Variants in ADCY9 observed in about 807,000 individuals in gnomAD.
ADCY9 encodes the protein adenylate cyclase 9.
Under a neutral mutation model 101.5 loss-of-function variants are expected in ADCY9, and 50 were observed. That is an observed-to-expected ratio of 0.49 (90% CI 0.39 to 0.62). The LOEUF (loss-of-function observed/expected upper bound fraction) is 0.62. Among genes scored for constraint, ADCY9 ranks in the 20% least tolerant of loss-of-function variants. The probability of loss-of-function intolerance (pLI) is 0.00; values close to 1 mark genes in which losing one functional copy is unlikely to be tolerated. For synonymous variants in ADCY9, 905 were observed against 769.3 expected (o/e 1.18, Z -2.92); for missense variants, 1,662 against 1,800.4 (o/e 0.92, Z 1.39).
At chr16:4,109,417 G>GCCAGAAC (rs1437806369) in intron 2 of ADCY9, among the ~76,000 whole-genome samples, 1 of 152,104 alleles carries the variant, frequency 6.6e-6, no homozygotes, top group Non-Finnish European at 1.5e-5. Context: ...CGGCTGTATT[G>GCCAGAAC]CCAGAACCCA....
At chr16:4,004,754 G>A (rs2056355877) in intron 3 of ADCY9, among the ~76,000 whole-genome samples, 1 of 152,226 alleles carries the variant, frequency 6.6e-6, no homozygotes, top group East Asian at 1.9e-4. Flanking sequence ...GGGACAGACT[G>A]AAGGGACTGA....
chr16:3,969,613 T>TATATACACGTA (rs1491520639), intron 10 of ADCY9, among the ~76,000 whole-genome samples: 1 of 81,038 alleles, frequency 1.2e-5, no homozygotes, highest in Non-Finnish European at 2.2e-5. Context: ...TATATATGTA[T>TATATACACGTA]TTTTTTTTTT....
At chr16:4,028,638 T>C (rs2056533671) in intron 2 of ADCY9, among the ~76,000 whole-genome samples, 4 of 152,306 alleles carry the variant, frequency 2.6e-5, no homozygotes, top group Non-Finnish European at 2.9e-5. Context: ...CATGGGATGA[T>C]GGAAATGTTC....
At position 4,076,108 on chromosome 16, in the gene ADCY9, C is replaced by T. The variant is rs1483829909; in HGVS notation, c.1693+37642G>A. ...ACTTGGGAGGCTGAGGTGGGAGGATCACTTGAGCCCACGAGTTCGAGGCTG... is the reference window on the plus strand; with the variant it reads ...ACTTGGGAGGCTGAGGTGGGAGGATTACTTGAGCCCACGAGTTCGAGGCTG... On this transcript the variant is annotated intron_variant, in intron 2 of 10. Transcript: ENST00000294016. Among the ~76,000 whole-genome samples the T allele has an allele frequency of 5.9e-5, 9 of 152,274 alleles. No homozygotes were observed. In the East Asian group the frequency reaches 1.7e-3, roughly 29 times the overall value.
chr16:4,000,789 T>C (rs2056324208), intron 3 of ADCY9, among the ~76,000 whole-genome samples: 1 of 151,932 alleles, frequency 6.6e-6, no homozygotes, highest in African/African-American at 2.4e-5. Context: ...CAAGAATAGA[T>C]GAAAATATAC....
Position 4,114,069 on chromosome 16 carries a change from A to T in ADCY9, c.1374T>A (p.His458Gln). ...VAGCPEPRADHAYCCIEMGLG... is the reference protein window; with the variant it reads ...VAGCPEPRADQAYCCIEMGLG... ...GGCCCATCTCGATGCAGCAGTAGGC[A>T]TGGTCGGCCCGGGGCTCGGGACAGC... Residue 458 changes from histidine (H) to glutamine (Q), a missense_variant, in exon 2 of 11, where the codon CAT (histidine) becomes CAA (glutamine). Transcript: ENST00000294016. This position sits in a 1 kb window ranked among gnomAD's most constrained non-coding sequence, Gnocchi z 4.3. 1 of 1,613,832 alleles carries T rather than the reference A, an allele frequency of 6.2e-7. No individual in the cohort carries two copies. The highest frequency in any genetic ancestry group is 8.5e-7 in the Non-Finnish European group (1 of 1,180,028).
intron 3 of ADCY9, among the ~76,000 whole-genome samples, chr16:4,004,369 C>T (rs990337243): frequency 2.6e-5 from 4 of 151,540 alleles, no homozygotes; most frequent in Admixed American, 6.6e-5. Context: ...CCTGGTAGGT[C>T]GTTACAGTAC....
intron 2 of ADCY9, among the ~76,000 whole-genome samples, chr16:4,107,299 C>G (rs2057083217): frequency 6.6e-6 from 1 of 152,148 alleles, no homozygotes; most frequent in African/African-American, 2.4e-5. Context: ...GCCTGTAATC[C>G]CAGCCCTTTG....
downstream of ADCY9, among the ~76,000 whole-genome samples, chr16:3,961,321 C>T (rs903198220): frequency 1.3e-4 from 19 of 151,896 alleles, no homozygotes; most frequent in African/African-American, 4.4e-4. Context: ...TGGTGTTGCG[C>T]ACCTGTAGTC....
chr16:4,030,318 G>C (rs2056546559), intron 2 of ADCY9, among the ~76,000 whole-genome samples: 1 of 152,146 alleles, frequency 6.6e-6, no homozygotes, highest in Admixed American at 6.5e-5. Flanking sequence ...AGGCACAACA[G>C]CAGTGACGAT....
intron 2 of ADCY9, among the ~76,000 whole-genome samples, chr16:4,042,091 T>G (rs2056631404): frequency 6.6e-6 from 1 of 151,954 alleles, no homozygotes; most frequent in Admixed American, 6.6e-5. Context: ...TCCTGGCTAA[T>G]TTTTGTTTTT....
At chr16:3,961,638 C>T (rs139407520), downstream of ADCY9, among the ~76,000 whole-genome samples, 208 of 152,224 alleles carry the variant, frequency 1.4e-3, no homozygotes, top group African/African-American at 4.6e-3. Flanking sequence ...GCTGCACCCC[C>T]GCAAGTCCAT....
chr16:3,976,650 G>A (rs1342369219), intron 9 of ADCY9, among the ~76,000 whole-genome samples: 2 of 152,186 alleles, frequency 1.3e-5, no homozygotes, highest in East Asian at 3.9e-4. Context: ...GAACTGTTTT[G>A]ACCTATTTAT....
intron 10 of ADCY9, among the ~76,000 whole-genome samples, chr16:3,973,408 T>C (rs569246129): frequency 5.3e-5 from 8 of 152,296 alleles, no homozygotes; most frequent in East Asian, 1.9e-4. Context: ...GGTTTTGCCA[T>C]GTTGGCCAGG....
At chr16:4,015,884 C>G (rs1399215169) in intron 2 of ADCY9, among the ~76,000 whole-genome samples, 1 of 151,974 alleles carries the variant, frequency 6.6e-6, no homozygotes, top group Non-Finnish European at 1.5e-5. Context: ...AGGAAAATCT[C>G]TCGAACCCGG....
intron 2 of ADCY9, among the ~76,000 whole-genome samples, chr16:4,095,270 C>T (rs1352937033): frequency 2.6e-5 from 4 of 152,034 alleles, no homozygotes; most frequent in East Asian, 1.9e-4. Flanking sequence ...CAAAGTGCTG[C>T]GATTACAGGC....
rs976813455 is a variant in ADCY9, at chr16:4,099,114, G to C, written c.1693+14636C>G. On this transcript the variant is annotated intron_variant, in intron 2 of 10. Coordinates refer to ENST00000294016, the MANE Select transcript of ADCY9 (RefSeq NM_001116.4). ...CACCCGGCTAATTTTTGTATTTCCA[G>C]TACAGACAGGGTTTCCCCATGTTGG... Among the ~76,000 whole-genome samples, 9 of 151,896 alleles carry C rather than the reference G, an allele frequency of 5.9e-5. No homozygotes were observed. In the South Asian group the frequency reaches 1.7e-3, roughly 28 times the overall value.
chr16:4,095,246 A>G (rs1356000416), intron 2 of ADCY9, among the ~76,000 whole-genome samples: 1 of 152,106 alleles, frequency 6.6e-6, no homozygotes, highest in Admixed American at 6.6e-5. Flanking sequence ...GGTGATCCAC[A>G]TGCCTCAGCC....
At chr16:4,055,768 A>G (rs977374627) in intron 2 of ADCY9, among the ~76,000 whole-genome samples, 4 of 152,062 alleles carry the variant, frequency 2.6e-5, no homozygotes, top group Admixed American at 6.6e-5. Context: ...CAGAAGGCAG[A>G]GCTTGCAGTG....
Sources: allele counts gnomAD v4.1 joint callset (sites outside exome capture counted in the v4.1 genomes callset), GRCh38; gene constraint gnomAD v4.1.1; non-coding constraint Gnocchi (gnomAD v3.1); transcripts MANE v1.5; gene names NCBI Gene and HGNC (gene_info 2026-07-23, HGNC 2026-07-21).